Variants in SPNS2 observed in about 807,000 individuals in gnomAD.
SPNS2 encodes SPNS lysolipid transporter 2, sphingosine-1-phosphate.
Under a neutral mutation model 57.6 loss-of-function variants are expected in SPNS2, and 37 were observed. The observed-to-expected ratio is 0.64, with a 90% CI of 0.49 to 0.85. The LOEUF is 0.85. Ranked by LOEUF, SPNS2 falls within the 40% of genes least tolerant of loss-of-function variation. The pLI is 0.00. For missense variants in SPNS2, 831 were observed against 779.1 expected (o/e 1.07, Z -0.79); for synonymous variants, 440 against 346.9 (o/e 1.27, Z -2.98).
In SPNS2 at chr17:4,536,280, C is replaced by A; in HGVS notation, c.1461C>A (p.Arg487=). The A allele has an allele frequency of 1.2e-6, 2 of 1,612,528 alleles. No individual in the cohort carries two copies. The highest frequency in any genetic ancestry group is 8.5e-7 in the Non-Finnish European group (1 of 1,179,878). The part of the protein sequence containing the change: ...YLIGFISDLI[R]QSTKDSPLWE... ...CCTCGCAGATCTCAGACCTGATCCG[C>A]CAGAGCACTAAGGACTCCCCGCTCT... is the stretch of plus-strand genomic sequence containing the variant. The change falls in exon 11 of 13, where the codon CGC becomes CGA. Residue 487 remains arginine, a synonymous_variant. Coordinates refer to ENST00000329078, the MANE Select transcript of SPNS2 (RefSeq NM_001124758.3).
At position 4,518,128 on chromosome 17, in the gene SPNS2, G is replaced by A. The variant is rs146015481; in HGVS notation, c.436+4816G>A. On this transcript the variant is annotated intron_variant, in intron 2 of 12. Coordinates refer to ENST00000329078, the MANE Select transcript of SPNS2 (RefSeq NM_001124758.3). Reference sequence around the variant, plus strand: ...GGAGAAGAGGCTGGACAGTGGGCAGGGTCTGAGTGTGAAAGGCTTGAAGGC... The same window carrying A: ...GGAGAAGAGGCTGGACAGTGGGCAGAGTCTGAGTGTGAAAGGCTTGAAGGC... 2.0e-4 allele frequency among the ~76,000 whole-genome samples: 31 copies of A among 152,338 alleles called. 2 individuals carry two copies. The East Asian group carries it at 4.2e-3, about 21-fold the overall frequency.
chr17:4,525,284 A>AGGG lies in SPNS2; in HGVS notation c.573+92_573+94dup, dbSNP rs1905237070. The AGGG allele has an allele frequency of 2.0e-6, 3 of 1,518,494 alleles. No individual in the cohort carries two copies. In the East Asian group the frequency reaches 6.8e-5, roughly 35 times the overall value. The allele number at this position is 1,518,494 out of a possible 1,614,324, so 94.1% of individuals were successfully genotyped here. On this transcript the variant is annotated intron_variant, in intron 3 of 12. Transcript: ENST00000329078. ...ATTGGCCTGTTGAAGAATCCAGCCC[A>AGGG]GGGCTTCCAGCTCCTTTGCTTGAAC...
chr17:4,526,995 G>C (rs375352987), intron 3 of SPNS2, among the ~76,000 whole-genome samples: 37 of 152,322 alleles, frequency 2.4e-4, no homozygotes, highest in African/African-American at 7.2e-4. Context: ...CAGGCCCCTG[G>C]TCACCAACCT....
intron 2 of SPNS2, 52 bp downstream of exon 2, chr17:4,513,364 G>T: frequency 6.3e-7 from 1 of 1,593,394 alleles, no homozygotes. Context: ...GGCGTCGTGG[G>T]TCCTGTCCTG....
intron 1 of SPNS2, among the ~76,000 whole-genome samples, chr17:4,509,937 G>A (rs1040466159): frequency 6.6e-6 from 1 of 152,238 alleles, no homozygotes; most frequent in African/African-American, 2.4e-5. Context: ...TCCTGGGCGT[G>A]AGGCCCATCC....
intron 9 of SPNS2, 80 bp from the exon 10 acceptor site, chr17:4,535,996 A>G: frequency 8.1e-7 from 1 of 1,238,514 alleles, no homozygotes; most frequent in East Asian, 2.4e-5. Flanking sequence ...TGGGGGCTTC[A>G]GAAGTGCCAC....
At chr17:4,531,957 C>T (rs969257895) in intron 5 of SPNS2, among the ~76,000 whole-genome samples, 2 of 152,068 alleles carry the variant, frequency 1.3e-5, no homozygotes, top group African/African-American at 4.8e-5. Flanking sequence ...CCCACTTGAT[C>T]TGTCAGTCCA....
Position 4,499,574 on chromosome 17 carries a change from A to G in SPNS2, c.370+157A>G. The G allele has an allele frequency of 2.2e-6, 1 of 453,166 alleles. No individual in the cohort carries two copies. The highest frequency in any genetic ancestry group is 3.6e-5 in the East Asian group (1 of 28,060). 28.1% of individuals were successfully genotyped at this position (453,166 alleles called of 1,614,324 possible). A position where few individuals can be genotyped will look rare whatever the true frequency, so the allele number is the denominator to read the frequency against. On this transcript the variant is annotated intron_variant, in intron 1 of 12. Transcript: ENST00000329078. This position sits in a 1 kb window ranked among gnomAD's most constrained non-coding sequence, Gnocchi z 5.2. ...ACCCTCTGCTCAGGCACAACTGGGC[A>G]AGGGATGCCTCCGTGCACCACGGGT...
chr17:4,520,899 G>A (rs1269668162), intron 2 of SPNS2, among the ~76,000 whole-genome samples: 1 of 152,122 alleles, frequency 6.6e-6, no homozygotes, highest in African/African-American at 2.4e-5. Flanking sequence ...GCTGGGCCTT[G>A]CCTATATATC....
chr17:4,508,762 CTGT>C (rs1251952244), intron 1 of SPNS2, among the ~76,000 whole-genome samples: 10 of 152,212 alleles, frequency 6.6e-5, no homozygotes, highest in Admixed American at 5.9e-4. Context: ...TGCATTGTCG[CTGT>C]TGTTATTGGT....
At chr17:4,528,160 T>C (rs796895682) in intron 3 of SPNS2, among the ~76,000 whole-genome samples, 29 of 151,848 alleles carry the variant, frequency 1.9e-4, no homozygotes, top group African/African-American at 6.8e-4. Context: ...GTAGCTGGGA[T>C]TACAGGCACG....
chr17:4,527,884 G>A (rs578220342), intron 3 of SPNS2, among the ~76,000 whole-genome samples: 1 of 151,634 alleles, frequency 6.6e-6, no homozygotes, highest in South Asian at 2.1e-4. Context: ...CTTCTACTTG[G>A]GGTATACACC....
intron 1 of SPNS2, among the ~76,000 whole-genome samples, chr17:4,504,960 T>C (rs1904634476): frequency 6.6e-6 from 1 of 152,238 alleles, no homozygotes; most frequent in Non-Finnish European, 1.5e-5. Flanking sequence ...TCCCTGGCTC[T>C]GCCTGCACCT....
intron 2 of SPNS2, among the ~76,000 whole-genome samples, chr17:4,520,246 G>T (rs36095827): frequency 0.36 from 55,050 of 152,094 alleles, 11,345 homozygotes; most frequent in Middle Eastern, 0.51. Flanking sequence ...GGGACGGGGC[G>T]TGCCAGCTTC....
At chr17:4,519,948 G>T (rs1216298364) in intron 2 of SPNS2, among the ~76,000 whole-genome samples, 1 of 152,146 alleles carries the variant, frequency 6.6e-6, no homozygotes, top group Non-Finnish European at 1.5e-5. Context: ...ACCTCCAGGG[G>T]GCCAGGCGGG....
intron 2 of SPNS2, among the ~76,000 whole-genome samples, chr17:4,521,081 C>T (rs944927398): frequency 3.9e-5 from 6 of 152,180 alleles, no homozygotes; most frequent in South Asian, 2.1e-4. Flanking sequence ...CCACCGCCTC[C>T]GGGAAGCCTC....
At chr17:4,517,868 C>T (rs986555192) in intron 2 of SPNS2, among the ~76,000 whole-genome samples, 9 of 152,106 alleles carry the variant, frequency 5.9e-5, no homozygotes, top group South Asian at 4.1e-4. Context: ...GACTAATATT[C>T]GAAAATACCA....
chr17:4,516,337 A>ACC lies in SPNS2; in HGVS notation c.436+3025_436+3026insCC, dbSNP rs1215054458. 7.5e-3 allele frequency among the ~76,000 whole-genome samples: 965 copies of ACC among 128,026 alleles called. 40 individuals are homozygous for ACC. The highest frequency in any genetic ancestry group is 0.018 in the Middle Eastern group (5 of 276). The allele number at this position is 128,026 out of a possible 152,430, so 84.0% of individuals were successfully genotyped here. The stretch of plus-strand genomic sequence containing the variant: ...TCCCCAAAAAAAAAAAAAAAAAAAA[A>ACC]AAAAAACAAAAAAACCGCTCATAGG... On this transcript the variant is annotated intron_variant, in intron 2 of 12. Coordinates refer to ENST00000329078, the MANE Select transcript of SPNS2 (RefSeq NM_001124758.3).
chr17:4,535,578 GT>G (rs1367809982), intron 9 of SPNS2, among the ~76,000 whole-genome samples: 1 of 152,220 alleles, frequency 6.6e-6, no homozygotes, highest in Non-Finnish European at 1.5e-5. Flanking sequence ...CAGCATGGCC[GT>G]TCCTGATGGC....
Sources: gnomAD v4.1 joint callset for allele counts (sites outside exome capture counted in the v4.1 genomes callset) on GRCh38, gnomAD v4.1.1 for gene constraint, Gnocchi (gnomAD v3.1) non-coding constraint, MANE v1.5 for transcripts, NCBI Gene and HGNC (gene_info 2026-07-23, HGNC 2026-07-21) for gene names.